The following ATP6V0D1 variants were observed in gnomAD, a reference collection of about 807,000 sequenced individuals.
ATP6V0D1 encodes the protein ATPase H+ transporting V0 subunit d1.
Under a neutral mutation model 39.0 loss-of-function variants are expected in ATP6V0D1, and 13 were observed. The observed-to-expected ratio is 0.33, with a 90% CI of 0.22 to 0.53. The LOEUF is 0.53. Among genes scored for constraint, ATP6V0D1 ranks in the 20% least tolerant of loss-of-function variants. The pLI is 0.94. For synonymous variants in ATP6V0D1, 191 were observed against 191.2 expected (o/e 1.00, Z 0.01); for missense variants, 272 against 470.9 (o/e 0.58, Z 3.91).
At chr16:67,466,460 C>T (rs914915261) in intron 1 of ATP6V0D1, among the ~76,000 whole-genome samples, 1 of 150,900 alleles carries the variant, frequency 6.6e-6, no homozygotes, top group Non-Finnish European at 1.5e-5. Flanking sequence ...ACACGGGAGG[C>T]GGAGGTTGCG....
chr16:67,475,986 T>C (rs1385624895), intron 1 of ATP6V0D1, among the ~76,000 whole-genome samples: 2 of 152,052 alleles, frequency 1.3e-5, no homozygotes, highest in Non-Finnish European at 2.9e-5. Context: ...TCCCAGCACT[T>C]TGGGAGGCCG....
At chr16:67,474,018 A>G (rs768412759) in intron 1 of ATP6V0D1, among the ~76,000 whole-genome samples, 4 of 152,184 alleles carry the variant, frequency 2.6e-5, no homozygotes, top group East Asian at 1.9e-4. Flanking sequence ...CACCCACCAC[A>G]TAACATCCCC....
intron 2 of ATP6V0D1, among the ~76,000 whole-genome samples, chr16:67,449,820 C>T (rs1236664455): frequency 6.6e-6 from 1 of 152,256 alleles, no homozygotes; most frequent in Non-Finnish European, 1.5e-5. Flanking sequence ...TGGCCCAGAG[C>T]AGGTACTGGT....
intron 1 of ATP6V0D1, among the ~76,000 whole-genome samples, chr16:67,460,104 G>A (rs960730497): frequency 8.5e-5 from 13 of 152,230 alleles, no homozygotes; most frequent in Non-Finnish European, 1.3e-4. Context: ...ATGCTCCCTA[G>A]ACTCTGGTGT....
At chr16:67,451,704 C>A (rs1380125288) in intron 2 of ATP6V0D1, among the ~76,000 whole-genome samples, 2 of 152,208 alleles carry the variant, frequency 1.3e-5, no homozygotes, top group African/African-American at 2.4e-5. Context: ...GGACTGGAAG[C>A]CACAATCACC....
chr16:67,479,847 CAA>C (rs1014309654), intron 1 of ATP6V0D1, among the ~76,000 whole-genome samples: 4 of 152,094 alleles, frequency 2.6e-5, no homozygotes, highest in African/African-American at 7.2e-5. Flanking sequence ...GAGTGGTTGG[CAA>C]AGACTGGAAT....
chr16:67,450,559 G>A (rs2041167507), intron 2 of ATP6V0D1, among the ~76,000 whole-genome samples: 1 of 152,058 alleles, frequency 6.6e-6, no homozygotes, highest in Admixed American at 6.5e-5. Flanking sequence ...GGTGGACACC[G>A]CAGAGTGGTC....
chr16:67,438,492 CACAA>C lies in ATP6V0D1; in HGVS notation c.*32_*35del, dbSNP rs200429175. On this transcript the variant is annotated 3_prime_UTR_variant, in exon 8 of 8. Transcript: ENST00000290949. ...ACACGCGCACACACACACACACACA[CACAA>C]AGAGTGCAATTGAGAGCCTTGGGCC... The C allele has an allele frequency of 1.8e-5, 29 of 1,610,350 alleles. No homozygotes were observed. The African/African-American group carries it at 3.6e-4, about 20-fold the overall frequency.
chr16:67,469,811 A>G (rs1372673886), intron 1 of ATP6V0D1, among the ~76,000 whole-genome samples: 1 of 152,244 alleles, frequency 6.6e-6, no homozygotes, highest in Non-Finnish European at 1.5e-5. Flanking sequence ...TTTAAACAAT[A>G]GAAGAGTACA....
At chr16:67,475,489 C>A (rs745460634) in intron 1 of ATP6V0D1, among the ~76,000 whole-genome samples, 9 of 152,210 alleles carry the variant, frequency 5.9e-5, no homozygotes, top group Admixed American at 2.0e-4. Flanking sequence ...TCACCCATGG[C>A]CTCCAACGAT....
At chr16:67,457,298 G>T in intron 1 of ATP6V0D1, 1 of 292,336 alleles carries the variant, frequency 3.4e-6, no homozygotes, top group Non-Finnish European at 6.9e-6. Flanking sequence ...TCCCAGAGTT[G>T]GGGCATAGAG....
intron 1 of ATP6V0D1, among the ~76,000 whole-genome samples, chr16:67,478,940 A>AC (rs145343412): frequency 0.045 from 6,893 of 152,186 alleles, 505 homozygotes; most frequent in African/African-American, 0.16. Context: ...AATGATGTTC[A>AC]CCTTAGATTT....
intron 1 of ATP6V0D1, among the ~76,000 whole-genome samples, chr16:67,465,253 G>T (rs186122083): frequency 1.3e-5 from 2 of 152,220 alleles, no homozygotes; most frequent in East Asian, 3.8e-4. Flanking sequence ...CAGCCTGACC[G>T]TGTGGACCTG....
chr16:67,442,980 G>T (rs2142299670), intron 4 of ATP6V0D1, 119 bp downstream of exon 4: 4 of 1,086,574 alleles, frequency 3.7e-6, no homozygotes, highest in East Asian at 4.8e-5. Context: ...AAGTCCCTGG[G>T]ATAGGAGCCT....
At chr16:67,470,019 T>C (rs1474690181) in intron 1 of ATP6V0D1, among the ~76,000 whole-genome samples, 2 of 152,198 alleles carry the variant, frequency 1.3e-5, no homozygotes, top group Non-Finnish European at 2.9e-5. Flanking sequence ...TCAGCCCTTA[T>C]GGAACTTCAT....
intron 4 of ATP6V0D1, among the ~76,000 whole-genome samples, chr16:67,442,451 CTTT>C (rs11320628): frequency 7.0e-6 from 1 of 143,206 alleles, no homozygotes; most frequent in Non-Finnish European, 1.5e-5. Context: ...TGGTCTCGGG[CTTT>C]TTTTTTTTTT....
intron 1 of ATP6V0D1, among the ~76,000 whole-genome samples, chr16:67,474,395 A>G (rs1363982640): frequency 6.6e-6 from 1 of 152,190 alleles, no homozygotes; most frequent in Admixed American, 6.5e-5. Context: ...CTGTCTAGAC[A>G]TTGTCTCTGC....
At chr16:67,445,683 T>C (rs922515996) in intron 2 of ATP6V0D1, 4 of 323,104 alleles carry the variant, frequency 1.2e-5, no homozygotes, top group Non-Finnish European at 2.5e-5. Context: ...CTCTGTGGGG[T>C]ACATGGGCAG....
chr16:67,438,466 C>CA lies in ATP6V0D1; in HGVS notation c.*61dup. Reference sequence around the variant, plus strand: ...CAGACCACATACACACACACGCACACACACGCGCACACACACACACACACA... The same window carrying CA: ...CAGACCACATACACACACACGCACACAACACGCGCACACACACACACACACA... On this transcript the variant is annotated 3_prime_UTR_variant, in exon 8 of 8. Transcript: ENST00000290949. 6.4e-7 allele frequency: 1 copy of CA among 1,568,254 alleles called. No individual in the cohort carries two copies. Among genetic ancestry groups the CA allele is most frequent in the Non-Finnish European group, 8.7e-7 (1 of 1,152,752 alleles).
Sources: allele counts gnomAD v4.1 joint callset (sites outside exome capture counted in the v4.1 genomes callset), GRCh38; gene constraint gnomAD v4.1.1; transcripts MANE v1.5; gene names NCBI Gene and HGNC (gene_info 2026-07-23, HGNC 2026-07-21).